The following LHX1 variants were observed in gnomAD, a reference collection of about 807,000 sequenced individuals.
LHX1 encodes LIM homeobox 1, also known as LIM/homeobox protein Lhx1.
LHX1 carries 9 observed loss-of-function variants against 34.1 expected under a neutral mutation model. The observed-to-expected ratio is 0.26, with a 90% CI of 0.16 to 0.46. LHX1 has a LOEUF of 0.46. Among genes scored for constraint, LHX1 ranks in the 20% least tolerant of loss-of-function variants. LHX1 has a pLI of 1.00. For missense variants in LHX1, 446 were observed against 559.1 expected, an observed-to-expected ratio of 0.80 and a Z score of 2.04; for synonymous variants, 254 against 241.5, an observed-to-expected ratio of 1.05 and a Z score of -0.48.
rs1445685435 is a variant in LHX1, at chr17:36,937,559, G to C, written c.-639G>C. On this transcript the variant is annotated 5_prime_UTR_variant, in exon 1 of 5. Transcript: ENST00000614239. ...TCCCCCAGGCCCAGCGCGGGCGCTCGGCGCGTCCAGACCCGCGGCGCGATG... is the reference window on the plus strand; with the variant it reads ...TCCCCCAGGCCCAGCGCGGGCGCTCCGCGCGTCCAGACCCGCGGCGCGATG... The C allele has an allele frequency of 9.9e-6, 3 of 301,656 alleles. No homozygotes were observed. The highest frequency in any genetic ancestry group is 1.1e-4 in the East Asian group (1 of 8,730). The allele number at this position is 301,656 out of a possible 1,614,324, so 18.7% of individuals were successfully genotyped here.
chr17:36,939,109 C>T (rs910908567), intron 1 of LHX1, among the ~76,000 whole-genome samples: 1 of 152,224 alleles, frequency 6.6e-6, no homozygotes, highest in African/African-American at 2.4e-5. Context: ...AGCCAGCAAC[C>T]TCCTTGATGA....
In LHX1 at chr17:36,938,257, G is replaced by T. The variant is rs375599044; in HGVS notation, c.60G>T (p.Leu20=). Residue 20 remains leucine, a synonymous_variant, in exon 1 of 5, where the codon CTG becomes CTT. Transcript: ENST00000614239. ...TGGACCGCTTTCTCTTGAACGTGCT[G>T]GACAGGGCCTGGCACGTCAAGTGCG... ...PILDRFLLNV[L]DRAWHVKCVQ... is the part of the protein sequence containing the mutation. 1 of 1,614,180 alleles carries T rather than the reference G, an allele frequency of 6.2e-7. No individual in the cohort carries two copies. The highest frequency in any genetic ancestry group is 8.5e-7 in the Non-Finnish European group (1 of 1,180,020).
In LHX1 at chr17:36,942,266, C is replaced by T; in HGVS notation, c.742C>T (p.Arg248Cys). The change falls in exon 4 of 5, where the codon CGC becomes TGC. Residue 248 changes from arginine (R) to cysteine (C), a missense_variant. This residue lies in a region of LHX1 where 43 missense variants were observed against 108.0 expected (regional missense o/e 0.40). Transcript: ENST00000614239. Reference sequence around the variant, plus strand: ...GCAGCTGAGCGCCCTGGGCGCCCGGCGCCACGCCTTCTTCCGCAGTCCGCG... The same window carrying T: ...GCAGCTGAGCGCCCTGGGCGCCCGGTGCCACGCCTTCTTCCGCAGTCCGCG... ...MKQLSALGAR[R>C]HAFFRSPRRM... 2 of 1,599,292 alleles carry T rather than the reference C, an allele frequency of 1.3e-6. No individual in the cohort carries two copies. The highest frequency in any genetic ancestry group is 8.5e-7 in the Non-Finnish European group (1 of 1,174,818).
upstream of LHX1, chr17:36,937,443 C>T (rs2070733542): frequency 3.1e-6 from 1 of 319,844 alleles, no homozygotes; most frequent in South Asian, 2.2e-5. Flanking sequence ...TCTCCAAAAG[C>T]GGGGAAACCT....
intron 3 of LHX1, chr17:36,941,154 C>A (rs1003727155): frequency 5.7e-6 from 4 of 704,344 alleles, no homozygotes; most frequent in African/African-American, 3.5e-5. Context: ...AGGAGGAGAA[C>A]TGTTGAACAC....
At position 36,938,347 on chromosome 17, in the gene LHX1, C is replaced by T. The variant is rs926435623; in HGVS notation, c.150C>T (p.Tyr50=). ...EKCFSREGKL[Y]CKNDFFRCFG... ...GCTTCTCCAGGGAAGGCAAACTCTA[C>T]TGCAAGAACGACTTCTTCCGGTGAG... The change falls in exon 1 of 5, where the codon TAC becomes TAT. Residue 50 remains tyrosine, a synonymous_variant. Transcript: ENST00000614239. 2 of 1,614,226 alleles carry T rather than the reference C, an allele frequency of 1.2e-6. No individual in the cohort carries two copies. The highest frequency in any genetic ancestry group is 1.3e-5 in the African/African-American group (1 of 75,072).
chr17:36,938,801 C>T (rs1037623844), intron 1 of LHX1: 2 of 333,568 alleles, frequency 6.0e-6, no homozygotes, highest in South Asian at 5.1e-5. Context: ...CGACCCCGAG[C>T]GGTCTTGGCG....
rs2070786789 is a variant in LHX1, at chr17:36,944,024, T to G, written c.*893T>G. ...AGTTCAGTGTTTTACTAATATATCCTGTTTTGAAACCTCTTGTTCGAAAAC... is the reference window on the plus strand; with the variant it reads ...AGTTCAGTGTTTTACTAATATATCCGGTTTTGAAACCTCTTGTTCGAAAAC... On this transcript the variant is annotated 3_prime_UTR_variant, in exon 5 of 5. Transcript: ENST00000614239. 6.6e-6 allele frequency: 1 copy of G among 152,264 alleles called. No individual in the cohort carries two copies. Among genetic ancestry groups the G allele is most frequent in the African/African-American group, 2.4e-5 (1 of 41,564 alleles). The allele number at this position is 152,264 out of a possible 1,614,324, so 9.4% of individuals were successfully genotyped here.
At chr17:36,938,811 G>A (rs1415299232) in intron 1 of LHX1, 1 of 332,456 alleles carries the variant, frequency 3.0e-6, no homozygotes, top group Non-Finnish European at 5.9e-6. Flanking sequence ...CGGTCTTGGC[G>A]GTAAGCTCCG....
intron 3 of LHX1, 97 bp downstream of exon 3, chr17:36,940,984 G>A (rs1399179597): frequency 6.6e-7 from 1 of 1,521,598 alleles, no homozygotes; most frequent in Admixed American, 2.0e-5. Context: ...AGAGAGAAGT[G>A]AGAGATGGAG....
upstream of LHX1, chr17:36,937,241 G>A (rs1255542652): frequency 2.2e-6 from 1 of 452,352 alleles, no homozygotes. Flanking sequence ...GCACGGCCAG[G>A]CGCGGTGAGA....
intron 1 of LHX1, 98 bp from the exon 2 acceptor site, chr17:36,940,192 C>T: frequency 1.4e-6 from 1 of 725,152 alleles, no homozygotes; most frequent in Non-Finnish European, 2.4e-6. Context: ...CTTTTTACAT[C>T]TTCCCTCTTT....
At position 36,942,246 on chromosome 17, in the gene LHX1, T is replaced by A; in HGVS notation, c.722T>A (p.Leu241Gln). 6.2e-7 allele frequency: 1 copy of A among 1,601,964 alleles called. No individual in the cohort carries two copies. Among genetic ancestry groups the A allele is most frequent in the Non-Finnish European group, 8.5e-7 (1 of 1,176,498 alleles). The part of the protein sequence containing the change: ...RRSKERRMKQ[L>Q]SALGARRHAF... ...TCCAAGGAGCGGAGGATGAAGCAGC[T>A]GAGCGCCCTGGGCGCCCGGCGCCAC... Residue 241 changes from leucine (L) to glutamine (Q), a missense_variant, in exon 4 of 5, where the codon CTG (leucine) becomes CAG (glutamine). By Grantham distance (113) the Leu-to-Gln change is moderately radical. Around this residue, in one of 3 missense-constraint regions of LHX1, gnomAD observed 43 missense variants for 108.0 expected, o/e 0.40. Transcript: ENST00000614239.
Position 36,937,902 on chromosome 17 carries a change from T to C in LHX1, c.-296T>C, listed in dbSNP as rs2070738377. ...GGCTCTGAGCAGAAGGGTCGCATTC[T>C]CTCCCGCCTGAGACTTCTTTTCCTC... On this transcript the variant is annotated 5_prime_UTR_variant, in exon 1 of 5. Transcript: ENST00000614239. 1.7e-5 allele frequency: 10 copies of C among 597,560 alleles called. No individual in the cohort carries two copies. The South Asian group carries it at 1.7e-4, about 10-fold the overall frequency. 37.0% of individuals were successfully genotyped at this position (597,560 alleles called of 1,614,324 possible). A position where few individuals can be genotyped will look rare whatever the true frequency, so the allele number is the denominator to read the frequency against.
In LHX1 at chr17:36,937,673, C is replaced by T; in HGVS notation, c.-525C>T. On this transcript the variant is annotated 5_prime_UTR_variant, in exon 1 of 5. Coordinates refer to ENST00000614239, the MANE Select transcript of LHX1 (RefSeq NM_005568.5). ...AGAGGGGGGAAATCCCAGTGGTGGGCAGCCTGGCACGCACACAGTCGCCCT... is the reference window on the plus strand; with the variant it reads ...AGAGGGGGGAAATCCCAGTGGTGGGTAGCCTGGCACGCACACAGTCGCCCT... The T allele has an allele frequency of 1.1e-5, 4 of 375,582 alleles. No homozygotes were observed. The highest frequency in any genetic ancestry group is 1.8e-5 in the South Asian group (1 of 54,280). The allele number at this position is 375,582 out of a possible 1,614,324, so 23.3% of individuals were successfully genotyped here. A position where few individuals can be genotyped will look rare whatever the true frequency, so the allele number is the denominator to read the frequency against.
Position 36,941,553 on chromosome 17 carries a change from G to A in LHX1, c.676-647G>A, listed in dbSNP as rs75619693. 7.1e-3 allele frequency: 1,749 copies of A among 248,034 alleles called. 29 individuals are homozygous for A. The highest frequency in any genetic ancestry group is 0.037 in the African/African-American group (1,626 of 44,098). The allele number at this position is 248,034 out of a possible 1,614,324, so 15.4% of individuals were successfully genotyped here. ...CGGTTCACCGGGCCTGATGCCCTGC[G>A]TGGCTGTGGGTGGATGTACCTGCCT... On this transcript the variant is annotated intron_variant, in intron 3 of 4. Transcript: ENST00000614239.
intron 1 of LHX1, chr17:36,938,900 G>C (rs1467567216): frequency 4.1e-6 from 1 of 242,440 alleles, no homozygotes; most frequent in Non-Finnish European, 8.3e-6. Context: ...GATCCTGCAC[G>C]CCCGGGGGTC....
intron 3 of LHX1, chr17:36,941,660 TG>T (rs1442611699): frequency 5.1e-6 from 1 of 197,882 alleles, no homozygotes. Context: ...CCTGTGTACA[TG>T]AATGAGAAGT....
chr17:36,940,336 A>G lies in LHX1; in HGVS notation c.217A>G (p.Ser73Gly), dbSNP rs2070756647. The part of the protein sequence containing the change: ...CAGCAQGISP[S>G]DLVRRARSKV... The stretch of plus-strand genomic sequence containing the variant: ...AGGCTGCGCTCAGGGCATCTCCCCT[A>G]GCGACCTGGTGCGGAGAGCGCGGAG... Residue 73 changes from serine (S) to glycine (G), a missense_variant, in exon 2 of 5, where the codon AGC (serine) becomes GGC (glycine). Physicochemically the swap from Ser to Gly is moderately conservative, Grantham distance 56. Around this residue, in one of 3 missense-constraint regions of LHX1, gnomAD observed 168 missense variants for 226.6 expected, o/e 0.74. Transcript: ENST00000614239. The G allele has an allele frequency of 1.4e-6, 2 of 1,457,508 alleles. No homozygotes were observed. The highest frequency in any genetic ancestry group is 3.0e-5 in the East Asian group (1 of 33,764). The allele number at this position is 1,457,508 out of a possible 1,614,324, so 90.3% of individuals were successfully genotyped here.
Sources: gnomAD v4.1 joint callset for allele counts (sites outside exome capture counted in the v4.1 genomes callset) on GRCh38, gnomAD v4.1.1 for gene constraint, gnomAD v4.1.1 regional missense constraint, MANE v1.5 for transcripts, NCBI Gene and HGNC (gene_info 2026-07-23, HGNC 2026-07-21) for gene names.